CAMK4: variants seen among roughly 807,000 people sequenced by gnomAD.
CAMK4 encodes calcium/calmodulin dependent protein kinase IV, also known as calcium/calmodulin-dependent protein kinase type IV.
In CAMK4, 22 loss-of-function variants were observed where a neutral mutation model predicts 44.9. The observed-to-expected ratio is 0.49, with a 90% CI of 0.35 to 0.70. The LOEUF (loss-of-function observed/expected upper bound fraction) is 0.70. Among genes scored for constraint, CAMK4 ranks in the 30% least tolerant of loss-of-function variants. The pLI, the probability that CAMK4 is intolerant of heterozygous loss-of-function variation, is 0.01. For synonymous variants in CAMK4, 218 were observed against 215.4 expected (o/e 1.01, Z -0.11); for missense variants, 498 against 586.8 (o/e 0.85, Z 1.56).
At chr5:111,435,454 C>A (rs1169893717) in intron 5 of CAMK4, among the ~76,000 whole-genome samples, 3 of 152,100 alleles carry the variant, frequency 2.0e-5, no homozygotes, top group African/African-American at 7.2e-5. Context: ...GCTTCCTCAT[C>A]CTAGTGAAAG....
chr5:111,471,525 G>T (rs901181932), intron 7 of CAMK4, among the ~76,000 whole-genome samples: 58 of 152,252 alleles, frequency 3.8e-4, no homozygotes, highest in African/African-American at 1.3e-3. Flanking sequence ...CCATAAATTT[G>T]ATGTTTGTTC....
intron 2 of CAMK4, among the ~76,000 whole-genome samples, chr5:111,358,575 C>G (rs184110598): frequency 1.6e-4 from 24 of 147,632 alleles, no homozygotes; most frequent in Admixed American, 1.0e-3. Context: ...TTTTTTTTAA[C>G]TTTTATTTTA....
At chr5:111,469,240 C>G (rs1443779670) in intron 7 of CAMK4, among the ~76,000 whole-genome samples, 1 of 131,628 alleles carries the variant, frequency 7.6e-6, no homozygotes, top group African/African-American at 2.9e-5. Context: ...CTAATTGTGT[C>G]TAGGTGTTTT....
At chr5:111,477,242 T>C (rs568975248) in intron 8 of CAMK4, among the ~76,000 whole-genome samples, 1 of 152,284 alleles carries the variant, frequency 6.6e-6, no homozygotes, top group Admixed American at 6.5e-5. Context: ...GGCCTTGCAT[T>C]TTTCTCACTG....
chr5:111,267,703 C>CAAAAA (rs59699712), intron 1 of CAMK4, among the ~76,000 whole-genome samples: 26 of 71,724 alleles, frequency 3.6e-4, no homozygotes, highest in East Asian at 8.7e-4. Flanking sequence ...GACTCCGTCT[C>CAAAAA]AAAAAAAAAA....
At chr5:111,280,287 C>A (rs1360965294) in intron 1 of CAMK4, among the ~76,000 whole-genome samples, 2 of 152,014 alleles carry the variant, frequency 1.3e-5, no homozygotes, top group African/African-American at 4.8e-5. Flanking sequence ...TCAGCTTTAG[C>A]GAATTACAGA....
intron 1 of CAMK4, among the ~76,000 whole-genome samples, chr5:111,321,725 A>T (rs1017705424): frequency 7.9e-5 from 12 of 152,166 alleles, no homozygotes; most frequent in Admixed American, 4.6e-4. Flanking sequence ...CAGTGTTTTG[A>T]CATAGTATAA....
chr5:111,459,009 T>G (rs549444043), intron 7 of CAMK4, among the ~76,000 whole-genome samples: 1 of 152,318 alleles, frequency 6.6e-6, no homozygotes, highest in Admixed American at 6.5e-5. Context: ...GTCTGTTAGA[T>G]ATCCAAGTGG....
At chr5:111,298,544 C>G (rs960815914) in intron 1 of CAMK4, among the ~76,000 whole-genome samples, 2 of 152,138 alleles carry the variant, frequency 1.3e-5, no homozygotes, top group African/African-American at 4.8e-5. Context: ...GGCCACTGTT[C>G]TCCCCACGTT....
chr5:111,427,558 C>T (rs968189468), intron 5 of CAMK4, among the ~76,000 whole-genome samples: 1 of 152,184 alleles, frequency 6.6e-6, no homozygotes, highest in South Asian at 2.1e-4. Context: ...GTAACATTCA[C>T]GACAAGCTGA....
At chr5:111,440,303 A>G (rs1421115002) in intron 5 of CAMK4, among the ~76,000 whole-genome samples, 3 of 152,250 alleles carry the variant, frequency 2.0e-5, no homozygotes, top group African/African-American at 7.2e-5. Context: ...AGAAAATCCC[A>G]GGAGAACTGA....
chr5:111,441,335 T>C (rs1003380673), intron 5 of CAMK4, among the ~76,000 whole-genome samples: 14 of 152,324 alleles, frequency 9.2e-5, no homozygotes, highest in Non-Finnish European at 1.3e-4. Flanking sequence ...GTCTTATGCT[T>C]TTTAAAAATA....
chr5:111,411,567 G>T (rs1324504720), intron 5 of CAMK4, among the ~76,000 whole-genome samples: 1 of 152,200 alleles, frequency 6.6e-6, no homozygotes, highest in African/African-American at 2.4e-5. Flanking sequence ...ATAGGAAATT[G>T]CTGGAGGCTG....
At chr5:111,350,148 T>C (rs1430216061) in intron 2 of CAMK4, among the ~76,000 whole-genome samples, 1 of 152,062 alleles carries the variant, frequency 6.6e-6, no homozygotes, top group Non-Finnish European at 1.5e-5. Flanking sequence ...TTTTTTCATC[T>C]TTAAAATGGG....
rs114556081 is a variant in CAMK4 at position 111,235,436 on chromosome 5, G to A, written c.161+10792G>A. On this transcript the variant is annotated intron_variant, in intron 1 of 10. Transcript: ENST00000282356. ...AATAGGCCTCTAAAGGGTTCTTCTTGACTGGAAACATTTTAGTGACTCCTG... is the reference window on the plus strand; with the variant it reads ...AATAGGCCTCTAAAGGGTTCTTCTTAACTGGAAACATTTTAGTGACTCCTG... Among the ~76,000 whole-genome samples, 629 of 152,214 alleles carry A rather than the reference G, an allele frequency of 4.1e-3. 4 individuals are homozygous for A. The highest frequency in any genetic ancestry group is 0.014 in the African/African-American group (591 of 41,546).
chr5:111,291,406 C>A (rs575447306), intron 1 of CAMK4, among the ~76,000 whole-genome samples: 2 of 152,132 alleles, frequency 1.3e-5, no homozygotes, highest in Non-Finnish European at 2.9e-5. Flanking sequence ...CACTTCATTG[C>A]TTTTCTTTAA....
At chr5:111,365,797 GATAA>G (rs1406578054) in intron 2 of CAMK4, among the ~76,000 whole-genome samples, 3 of 152,094 alleles carry the variant, frequency 2.0e-5, no homozygotes, top group African/African-American at 7.2e-5. Flanking sequence ...AGAGGATAAA[GATAA>G]ATAATCAGAC....
chr5:111,300,620 C>A (rs1009151533), intron 1 of CAMK4, among the ~76,000 whole-genome samples: 2 of 152,130 alleles, frequency 1.3e-5, no homozygotes, highest in African/African-American at 4.8e-5. Flanking sequence ...ATATAATTGA[C>A]TTTTTAAATG....
intron 1 of CAMK4, among the ~76,000 whole-genome samples, chr5:111,329,946 C>A (rs1240440802): frequency 6.6e-6 from 1 of 151,646 alleles, no homozygotes; most frequent in African/African-American, 2.4e-5. Flanking sequence ...GCAAGGATAT[C>A]TGCTCCCACT....
Sources: gnomAD v4.1 joint callset for allele counts (sites outside exome capture counted in the v4.1 genomes callset) on GRCh38, gnomAD v4.1.1 for gene constraint, MANE v1.5 for transcripts, NCBI Gene and HGNC (gene_info 2026-07-23, HGNC 2026-07-21) for gene names.